CCDC148: variants seen among roughly 807,000 people sequenced by gnomAD.
CCDC148 encodes the protein coiled-coil domain containing 148, also known as coiled-coil domain-containing protein 148.
CCDC148 carries 89 observed loss-of-function variants against 85.7 expected under a neutral mutation model. The observed-to-expected ratio is 1.04, with a 90% CI of 0.87 to 1.24. The LOEUF is 1.24. Among genes scored for constraint, CCDC148 ranks in the 50% most tolerant of loss-of-function variants. The probability of loss-of-function intolerance (pLI) is 0.00; values close to 1 mark genes in which losing one functional copy is unlikely to be tolerated. For missense variants in CCDC148, 692 were observed against 671.7 expected, an observed-to-expected ratio of 1.03 and a Z score of -0.33; for synonymous variants, 230 against 213.9, an observed-to-expected ratio of 1.08 and a Z score of -0.66.
intron 9 of CCDC148, among the ~76,000 whole-genome samples, chr2:158,263,073 T>C (rs1030693630): frequency 6.6e-6 from 1 of 152,044 alleles, no homozygotes; most frequent in African/African-American, 2.4e-5. Context: ...TCTGTCTCTC[T>C]AGTCTTTTAT....
chr2:158,287,131 G>A lies in CCDC148; in HGVS notation c.1110+22302C>T, dbSNP rs183872703. Among the ~76,000 whole-genome samples the A allele has an allele frequency of 1.3e-4, 20 of 152,182 alleles. No individual in the cohort carries two copies. The East Asian group carries it at 2.1e-3, about 16-fold the overall frequency. On this transcript the variant is annotated intron_variant, in intron 9 of 13. Coordinates refer to ENST00000283233, the MANE Select transcript of CCDC148 (RefSeq NM_138803.4). The stretch of plus-strand genomic sequence containing the variant: ...TCTTGTGAGACTTATTCACCATCAC[G>A]AGAATAGCACAGGAAAGACCTGCCC...
chr2:158,310,246 G>T (rs1195121272), intron 8 of CCDC148, among the ~76,000 whole-genome samples: 7 of 152,120 alleles, frequency 4.6e-5, no homozygotes, highest in Non-Finnish European at 1.0e-4. Context: ...TGGGGGTAAG[G>T]TTATAGATTA....
intron 9 of CCDC148, among the ~76,000 whole-genome samples, chr2:158,292,815 C>A (rs1690955607): frequency 6.6e-6 from 1 of 152,064 alleles, no homozygotes; most frequent in South Asian, 2.1e-4. Context: ...TTTAAAAACA[C>A]CATGAAGAAT....
At chr2:158,181,021 G>A (rs1229849028) in intron 11 of CCDC148, among the ~76,000 whole-genome samples, 2 of 152,130 alleles carry the variant, frequency 1.3e-5, no homozygotes, top group Non-Finnish European at 2.9e-5. Context: ...ACTAAGGCAT[G>A]ACATGACACA....
At chr2:158,217,336 G>GTGTATATA (rs59724353) in intron 11 of CCDC148, among the ~76,000 whole-genome samples, 38,663 of 137,414 alleles carry the variant, frequency 0.28, 6,835 homozygotes, top group East Asian at 0.49. Context: ...ATAATTTTGT[G>GTGTATATA]TATATATATA....
chr2:158,432,911 T>C (rs955241279), intron 1 of CCDC148, among the ~76,000 whole-genome samples: 2 of 151,150 alleles, frequency 1.3e-5, no homozygotes, highest in African/African-American at 2.4e-5. Flanking sequence ...GTGTATGATG[T>C]GATGCCTCAA....
chr2:158,210,815 C>T (rs1413931474), intron 11 of CCDC148, among the ~76,000 whole-genome samples: 5 of 146,890 alleles, frequency 3.4e-5, no homozygotes, highest in Admixed American at 2.7e-4. Flanking sequence ...AAAAATTAGC[C>T]GGGCATGGTA....
intron 1 of CCDC148, among the ~76,000 whole-genome samples, chr2:158,438,876 T>C (rs374823351): frequency 6.6e-6 from 1 of 152,036 alleles, no homozygotes; most frequent in East Asian, 1.9e-4. Flanking sequence ...CATGAAAAAA[T>C]GCTCATCATC....
At chr2:158,207,954 GAC>G (rs34660144) in intron 11 of CCDC148, among the ~76,000 whole-genome samples, 12,571 of 148,956 alleles carry the variant, frequency 0.084, 681 homozygotes, top group African/African-American at 0.16. Flanking sequence ...ATTTTGATCT[GAC>G]ACACACACAC....
intron 3 of CCDC148, among the ~76,000 whole-genome samples, chr2:158,343,596 G>A (rs954254669): frequency 3.9e-5 from 6 of 152,176 alleles, no homozygotes; most frequent in African/African-American, 7.2e-5. Flanking sequence ...GCCTGCCTGA[G>A]ATTCTTAAAT....
At chr2:158,212,537 C>T (rs573229003) in intron 11 of CCDC148, among the ~76,000 whole-genome samples, 10 of 152,194 alleles carry the variant, frequency 6.6e-5, no homozygotes, top group African/African-American at 2.4e-4. Flanking sequence ...ACTAGATTCG[C>T]AAGGCCAATT....
At chr2:158,261,703 A>C (rs1353141644) in intron 9 of CCDC148, among the ~76,000 whole-genome samples, 1 of 152,164 alleles carries the variant, frequency 6.6e-6, no homozygotes, top group African/African-American at 2.4e-5. Context: ...CAGGCAAAGG[A>C]CATGAACAGA....
intron 11 of CCDC148, among the ~76,000 whole-genome samples, chr2:158,190,696 G>A (rs1255233291): frequency 6.6e-6 from 1 of 152,072 alleles, no homozygotes; most frequent in Non-Finnish European, 1.5e-5. Context: ...TTTAACAGTT[G>A]TGTAAGAAGG....
chr2:158,354,878 C>A (rs1403482860), intron 2 of CCDC148, among the ~76,000 whole-genome samples: 1 of 151,742 alleles, frequency 6.6e-6, no homozygotes, highest in African/African-American at 2.4e-5. Context: ...AGCTTATCCA[C>A]CATGATCAAG....
At chr2:158,385,616 T>C (rs1685053728) in intron 1 of CCDC148, among the ~76,000 whole-genome samples, 1 of 152,168 alleles carries the variant, frequency 6.6e-6, no homozygotes, top group South Asian at 2.1e-4. Flanking sequence ...CTTCCATTTC[T>C]AGGAATTCAT....
chr2:158,351,710 G>A (rs1683305687), intron 2 of CCDC148, among the ~76,000 whole-genome samples: 1 of 152,130 alleles, frequency 6.6e-6, no homozygotes, highest in Non-Finnish European at 1.5e-5. Context: ...AGCTCCAACT[G>A]GGCGGAGCCC....
At chr2:158,218,912 G>A (rs1260130061) in intron 11 of CCDC148, among the ~76,000 whole-genome samples, 2 of 152,298 alleles carry the variant, frequency 1.3e-5, no homozygotes, top group South Asian at 2.1e-4. Context: ...GGGAAATAAT[G>A]TGCATTTCGT....
intron 9 of CCDC148, among the ~76,000 whole-genome samples, chr2:158,261,272 G>T (rs756892079): frequency 2.6e-5 from 4 of 152,040 alleles, no homozygotes; most frequent in Non-Finnish European, 5.9e-5. Context: ...ATGGGGAAAA[G>T]ACTCCCTATT....
chr2:158,225,001 A>G (rs1043891628), intron 10 of CCDC148, among the ~76,000 whole-genome samples: 28 of 152,336 alleles, frequency 1.8e-4, no homozygotes, highest in Non-Finnish European at 3.7e-4. Context: ...TAAAAGACAC[A>G]GACTGGCAAA....
Sources: allele counts gnomAD v4.1 joint callset (sites outside exome capture counted in the v4.1 genomes callset), GRCh38; gene constraint gnomAD v4.1.1; transcripts MANE v1.5; gene names NCBI Gene and HGNC (gene_info 2026-07-23, HGNC 2026-07-21).